SEMA6A: variants seen among roughly 807,000 people sequenced by gnomAD.
SEMA6A encodes the protein semaphorin-6A.
In SEMA6A, 25 loss-of-function variants were observed where a neutral mutation model predicts 96.8. The observed-to-expected ratio is 0.26, with a 90% CI of 0.19 to 0.36. SEMA6A has a LOEUF of 0.36. SEMA6A is among the 10% of genes least tolerant of loss of function. SEMA6A has a pLI of 1.00. For synonymous variants in SEMA6A, 612 were observed against 518.0 expected (o/e 1.18, Z -2.46); for missense variants, 1,363 against 1,323.1 (o/e 1.03, Z -0.47).
intron 1 of SEMA6A, among the ~76,000 whole-genome samples, chr5:116,528,384 GC>G (rs1759320646): frequency 6.6e-6 from 1 of 152,116 alleles, no homozygotes; most frequent in Non-Finnish European, 1.5e-5. Context: ...CTCCTGCCCA[GC>G]CCCATCCTCA....
At chr5:116,563,416 A>G (rs1274342510) in intron 1 of SEMA6A, among the ~76,000 whole-genome samples, 1 of 152,110 alleles carries the variant, frequency 6.6e-6, no homozygotes, top group Non-Finnish European at 1.5e-5. Context: ...GCAGAATCAC[A>G]TTTTTCCTTG....
intron 1 of SEMA6A, among the ~76,000 whole-genome samples, chr5:116,506,258 C>T (rs906908262): frequency 2.0e-5 from 3 of 152,164 alleles, no homozygotes; most frequent in African/African-American, 7.2e-5. Flanking sequence ...ATTTCACACA[C>T]ACAGCTGGGT....
Position 116,495,434 on chromosome 5 carries a change from G to T in SEMA6A, c.423C>A (p.Asn141Lys). The change falls in exon 6 of 19, where the codon AAC becomes AAA. Residue 141 changes from asparagine (N) to lysine (K), a missense_variant. Physicochemically the swap from Asn to Lys is moderately conservative, Grantham distance 94 (BLOSUM62 0). Around this residue, in one of 2 missense-constraint regions of SEMA6A, gnomAD observed 480 missense variants for 559.5 expected, o/e 0.86. Transcript: ENST00000343348. ...TTACCTTATAGTTTCTGCAGGAAGG[G>T]TTGAAGGCATTAGTTCCACAGACAA... The part of the protein sequence containing the change: ...ALFVCGTNAF[N>K]PSCRNYKMDT... 1 of 1,610,150 alleles carries T rather than the reference G, an allele frequency of 6.2e-7. No individual in the cohort carries two copies. The highest frequency in any genetic ancestry group is 8.5e-7 in the Non-Finnish European group (1 of 1,178,116).
chr5:116,544,282 G>GT (rs1405682484), intron 1 of SEMA6A, among the ~76,000 whole-genome samples: 3 of 151,630 alleles, frequency 2.0e-5, no homozygotes, highest in African/African-American at 7.3e-5. Flanking sequence ...CAGGATTGAG[G>GT]TTTTTTGTTT....
Position 116,480,232 on chromosome 5 carries a change from G to C in SEMA6A, c.1140C>G (p.Thr380=). The change falls in exon 12 of 19, where the codon ACC becomes ACG. Residue 380 remains threonine, a synonymous_variant. Transcript: ENST00000343348. ...AGSSSLERYA[T]SNEFPDDTLN... ...GGGTATCATCAGGGAACTCATTGGA[G>C]GTTGCATATCTTTCTAAGGAGGATG... The C allele has an allele frequency of 6.2e-7, 1 of 1,613,834 alleles. No individual in the cohort carries two copies. The highest frequency in any genetic ancestry group is 1.1e-5 in the South Asian group (1 of 91,090).
chr5:116,504,810 A>G (rs573669565), intron 2 of SEMA6A, 35 bp downstream of exon 2: 2 of 1,487,002 alleles, frequency 1.3e-6, no homozygotes, highest in African/African-American at 1.4e-5. Flanking sequence ...AAATGTTCTC[A>G]AAGGGAGACA....
intron 7 of SEMA6A, among the ~76,000 whole-genome samples, chr5:116,490,371 G>A (rs926906535): frequency 6.6e-6 from 1 of 151,922 alleles, no homozygotes; most frequent in Non-Finnish European, 1.5e-5. Context: ...TACAGTGCTG[G>A]GATTACAGGT....
chr5:116,566,961 C>T (rs983508927), intron 1 of SEMA6A, among the ~76,000 whole-genome samples: 3 of 152,148 alleles, frequency 2.0e-5, no homozygotes, highest in African/African-American at 7.2e-5. Flanking sequence ...GAGTTTCTCT[C>T]CTAAGACAGG....
intron 1 of SEMA6A, among the ~76,000 whole-genome samples, chr5:116,534,311 A>G (rs773271616): frequency 3.9e-5 from 6 of 152,228 alleles, no homozygotes. Context: ...AGCATAAATC[A>G]GACCATGTCA....
chr5:116,460,820 C>T (rs1485707705), intron 18 of SEMA6A, among the ~76,000 whole-genome samples: 3 of 143,488 alleles, frequency 2.1e-5, no homozygotes, highest in Non-Finnish European at 1.5e-5. Context: ...AAGTCTCCCT[C>T]TGTCACCCAG....
chr5:116,474,685 T>G (rs1451136325), intron 16 of SEMA6A, among the ~76,000 whole-genome samples: 1 of 152,208 alleles, frequency 6.6e-6, no homozygotes. Flanking sequence ...GTTATGTCCG[T>G]GACTTCCGTT....
In SEMA6A at chr5:116,488,906, C is replaced by G. The variant is rs751224500; in HGVS notation, c.637G>C (p.Asp213His). The change falls in exon 8 of 19, where the codon GAT (aspartate) becomes CAT (histidine). Residue 213 changes from aspartate to histidine, a missense_variant. Transcript: ENST00000343348. ...TGTTCACCTTTCAACCATTTTGAAT[C>G]GTGCTTGACGGTCCGCAGGGTAGGG... is the stretch of plus-strand genomic sequence containing the variant. ...ESPTLRTVKH[D>H]SKWLKEPYFV... 6.3e-7 allele frequency: 1 copy of G among 1,578,418 alleles called. No homozygotes were observed. Among genetic ancestry groups the G allele is most frequent in the South Asian group, 1.2e-5 (1 of 85,798 alleles).
At chr5:116,448,196 A>AAAAAAAAAAAAAAAT (rs780426357) in intron 18 of SEMA6A, among the ~76,000 whole-genome samples, 10 of 138,702 alleles carry the variant, frequency 7.2e-5, no homozygotes, top group South Asian at 2.2e-4. Flanking sequence ...AAAAAAAAAA[A>AAAAAAAAAAAAAAAT]TTAGCCAGGC....
At chr5:116,542,827 A>C (rs1760029926) in intron 1 of SEMA6A, among the ~76,000 whole-genome samples, 1 of 152,200 alleles carries the variant, frequency 6.6e-6, no homozygotes, top group African/African-American at 2.4e-5. Context: ...TCTTCTGTTC[A>C]GGACTATTCT....
chr5:116,541,031 C>T (rs1412833970), intron 1 of SEMA6A, among the ~76,000 whole-genome samples: 1 of 152,154 alleles, frequency 6.6e-6, no homozygotes, highest in Non-Finnish European at 1.5e-5. Context: ...GGATATTGTT[C>T]TGCCGCACTT....
At chr5:116,532,758 AG>A (rs1245419116) in intron 1 of SEMA6A, among the ~76,000 whole-genome samples, 1 of 152,154 alleles carries the variant, frequency 6.6e-6, no homozygotes, top group African/African-American at 2.4e-5. Context: ...GTACTGGAAA[AG>A]AAAAAAAAAA....
intron 1 of SEMA6A, among the ~76,000 whole-genome samples, chr5:116,510,363 A>T (rs937595898): frequency 6.6e-6 from 1 of 152,206 alleles, no homozygotes; most frequent in African/African-American, 2.4e-5. Context: ...AAATTGATTT[A>T]AAAACTCCTA....
rs557294979 is a variant in SEMA6A, at chr5:116,447,266, T to C, written c.2440A>G (p.Ser814Gly). ...PLRASPSHIP[S>G]VVVLPITQQG... is the part of the protein sequence containing the mutation. ...TGCGTGATGGGCAGGACCACCACGCTGGGGATGTGGCTGGGGGAGGCCCGC... is the reference window on the plus strand; with the variant it reads ...TGCGTGATGGGCAGGACCACCACGCCGGGGATGTGGCTGGGGGAGGCCCGC... Residue 814 changes from serine to glycine, a missense_variant, in exon 19 of 19, where the codon AGC (serine) becomes GGC (glycine). Physicochemically the swap from Ser to Gly is moderately conservative, Grantham distance 56. Coordinates refer to ENST00000343348, the MANE Select transcript of SEMA6A (RefSeq NM_020796.5). 2.5e-6 allele frequency: 4 copies of C among 1,613,888 alleles called. No homozygotes were observed. The South Asian group carries it at 3.3e-5, about 13-fold the overall frequency.
chr5:116,516,189 G>C (rs1758659401), intron 1 of SEMA6A, among the ~76,000 whole-genome samples: 1 of 152,064 alleles, frequency 6.6e-6, no homozygotes, highest in South Asian at 2.1e-4. Flanking sequence ...TACAAAAAGA[G>C]GCATAATATC....
Sources: allele counts gnomAD v4.1 joint callset (sites outside exome capture counted in the v4.1 genomes callset), GRCh38; gene constraint gnomAD v4.1.1; regional missense constraint gnomAD v4.1.1; transcripts MANE v1.5; gene names NCBI Gene and HGNC (gene_info 2026-07-23, HGNC 2026-07-21).